IL18R1: variants seen among roughly 807,000 people sequenced by gnomAD.
The protein encoded by IL18R1 is interleukin 18 receptor 1, also known as interleukin-18 receptor 1.
A neutral mutation model predicts 48.5 loss-of-function variants in IL18R1; 40 were observed. That is an observed-to-expected ratio of 0.82 (90% CI 0.64 to 1.07). The LOEUF (loss-of-function observed/expected upper bound fraction) is 1.07. Ranked by LOEUF, IL18R1 falls within the 50% of genes least tolerant of loss-of-function variation. IL18R1 has a pLI of 0.00. For synonymous variants in IL18R1, 232 were observed against 225.9 expected, an observed-to-expected ratio of 1.03 and a Z score of -0.24; for missense variants, 596 against 633.7, an observed-to-expected ratio of 0.94 and a Z score of 0.64.
intron 2 of IL18R1, among the ~76,000 whole-genome samples, chr2:102,363,588 C>T (rs555969695): frequency 6.6e-6 from 1 of 152,246 alleles, no homozygotes; most frequent in South Asian, 2.1e-4. Context: ...GAAAATGTGT[C>T]ATGAGTTCCA....
At chr2:102,386,130 G>C (rs768005756) in intron 7 of IL18R1, among the ~76,000 whole-genome samples, 1 of 152,160 alleles carries the variant, frequency 6.6e-6, no homozygotes, top group African/African-American at 2.4e-5. Flanking sequence ...TCTGTGTCCC[G>C]GGTCCTAGAT....
intron 5 of IL18R1, 34 bp downstream of exon 5, chr2:102,376,097 C>A (rs775702318): frequency 8.0e-6 from 12 of 1,500,580 alleles, no homozygotes; most frequent in Non-Finnish European, 1.1e-5. Context: ...AAGAAACAGA[C>A]GTATTTTAGT....
At chr2:102,380,020 G>A (rs1679825926) in intron 5 of IL18R1, among the ~76,000 whole-genome samples, 1 of 152,178 alleles carries the variant, frequency 6.6e-6, no homozygotes, top group Non-Finnish European at 1.5e-5. Flanking sequence ...TTCAGCTTGT[G>A]CTCGTGAATC....
At chr2:102,376,925 C>G (rs1016056169) in intron 5 of IL18R1, among the ~76,000 whole-genome samples, 2 of 152,158 alleles carry the variant, frequency 1.3e-5, no homozygotes, top group Non-Finnish European at 2.9e-5. Flanking sequence ...CCAAATATCC[C>G]TTCTCGTAGC....
intron 4 of IL18R1, among the ~76,000 whole-genome samples, chr2:102,373,775 C>T (rs993220061): frequency 1.3e-5 from 2 of 152,114 alleles, no homozygotes; most frequent in African/African-American, 4.8e-5. Context: ...CATGCCACTC[C>T]CCCTCACTAA....
rs180927177 is a variant in IL18R1, at chr2:102,381,081, T to C, written c.626-539T>C. On this transcript the variant is annotated intron_variant, in intron 5 of 10. Transcript: ENST00000233957. ...GTCAGAAGCCACTCAGGAGCAGAAG[T>C]AGAACTTGGCCTACAGGCATGAACT... Among the ~76,000 whole-genome samples the C allele has an allele frequency of 2.4e-3, 362 of 152,142 alleles. 2 individuals carry two copies. The highest frequency in any genetic ancestry group is 4.1e-3 in the Non-Finnish European group (280 of 68,000).
In IL18R1 at chr2:102,390,123, G is replaced by T. The variant is rs766413944; in HGVS notation, c.1017G>T (p.Val339=). The T allele has an allele frequency of 6.2e-7, 1 of 1,614,040 alleles. No homozygotes were observed. The highest frequency in any genetic ancestry group is 8.5e-7 in the Non-Finnish European group (1 of 1,179,934). The stretch of plus-strand genomic sequence containing the variant: ...TGATCATAGCTGTTTTGATCTTGGT[G>T]GCAGTAGTGTGCCTAGTGACTGTGT... ...RGMIIAVLIL[V]AVVCLVTVCV... is the part of the protein sequence containing the mutation. The change falls in exon 9 of 11, where the codon GTG becomes GTT. Residue 339 remains valine (V), a synonymous_variant. Transcript: ENST00000233957.
Position 102,397,265 on chromosome 2 carries a change from T to G in IL18R1, c.*379T>G, listed in dbSNP as rs565615172. On this transcript the variant is annotated 3_prime_UTR_variant, in exon 11 of 11. Coordinates refer to ENST00000233957, the MANE Select transcript of IL18R1 (RefSeq NM_003855.5). ...TTTTAATGCCAGTGCTTAATTCGAA[T>G]GAGGGGATTTTAAGTGTCTGAAGAG... The G allele has an allele frequency of 3.9e-4, 67 of 170,246 alleles. 1 individual carries two copies. In the South Asian group the frequency reaches 0.011, roughly 27 times the overall value. 10.5% of individuals were successfully genotyped at this position (170,246 alleles called of 1,614,324 possible).
chr2:102,381,710 A>G, intron 6 of IL18R1, 28 bp downstream of exon 6: 1 of 1,485,802 alleles, frequency 6.7e-7, no homozygotes, highest in Non-Finnish European at 9.4e-7. Flanking sequence ...TATATTCTGC[A>G]TTTATAAGTA....
chr2:102,375,137 G>C (rs1234067896), intron 4 of IL18R1, among the ~76,000 whole-genome samples: 2 of 152,198 alleles, frequency 1.3e-5, no homozygotes, highest in African/African-American at 4.8e-5. Context: ...GTGGGCAGTA[G>C]GTTCTCCTTG....
intron 3 of IL18R1, among the ~76,000 whole-genome samples, chr2:102,369,930 G>C (rs936640797): frequency 2.0e-5 from 3 of 152,230 alleles, no homozygotes; most frequent in African/African-American, 7.2e-5. Flanking sequence ...CAATGATAGA[G>C]ATGAAGAAAT....
intron 8 of IL18R1, 122 bp downstream of exon 8, chr2:102,387,122 C>A: frequency 1.0e-6 from 1 of 1,002,900 alleles, no homozygotes; most frequent in South Asian, 1.6e-5. Context: ...GGAAATCAGT[C>A]ACCTCATGTC....
At chr2:102,360,147 T>C (rs1678487816) in intron 1 of IL18R1, among the ~76,000 whole-genome samples, 1 of 152,244 alleles carries the variant, frequency 6.6e-6, no homozygotes, top group South Asian at 2.1e-4. Flanking sequence ...AATGATAATA[T>C]ATCCACATGA....
rs999866066 is a variant in IL18R1 at position 102,368,203 on chromosome 2, T to C, written c.302+135T>C. 4 of 996,618 alleles carry C rather than the reference T, an allele frequency of 4.0e-6. No individual in the cohort carries two copies. In the African/African-American group the frequency reaches 6.5e-5, roughly 16 times the overall value. 61.7% of individuals were successfully genotyped at this position (996,618 alleles called of 1,614,324 possible). On this transcript the variant is annotated intron_variant, in intron 3 of 10. Coordinates refer to ENST00000233957, the MANE Select transcript of IL18R1 (RefSeq NM_003855.5). ...TTCCTACTCTTCCTATGACATGAAA[T>C]ACATTCTTTGTTATGGAACAGAATA...
chr2:102,371,842 C>T (rs1679281811), intron 3 of IL18R1, 111 bp from the exon 4 acceptor site: 1 of 655,342 alleles, frequency 1.5e-6, no homozygotes, highest in Non-Finnish European at 2.6e-6. Context: ...GAATCAATCT[C>T]TTTAATAAAA....
intron 9 of IL18R1, among the ~76,000 whole-genome samples, chr2:102,390,683 C>G (rs1680509153): frequency 6.6e-6 from 1 of 152,044 alleles, no homozygotes; most frequent in Admixed American, 6.5e-5. Context: ...CCTGTAATCC[C>G]AGCACTTTGA....
intron 3 of IL18R1, among the ~76,000 whole-genome samples, chr2:102,371,099 C>T (rs1338428526): frequency 6.6e-6 from 1 of 151,480 alleles, no homozygotes. Context: ...TCTTGTTACC[C>T]AGGCTGGAGT....
chr2:102,394,702 A>T (rs1680732162), intron 10 of IL18R1, 75 bp downstream of exon 10: 2 of 1,303,680 alleles, frequency 1.5e-6, no homozygotes, highest in East Asian at 4.9e-5. Context: ...GCCCCCAGAG[A>T]GCTATCCCAT....
Position 102,384,942 on chromosome 2 carries a change from C to A in IL18R1, c.753C>A (p.Phe251Leu), listed in dbSNP as rs1035130. ...LNEEDVIYWM[F>L]GEENGSDPNI... The stretch of plus-strand genomic sequence containing the variant: ...AAGAGGATGTAATTTATTGGATGTT[C>A]GGGGAAGAAAATGGATCGGATCCTA... Residue 251 changes from phenylalanine to leucine, a missense_variant, in exon 7 of 11, where the codon TTC becomes TTA. By Grantham distance (22) the Phe-to-Leu change is conservative (BLOSUM62 0). This residue lies in a region of IL18R1 where 360 missense variants were observed against 339.4 expected (regional missense o/e 1.06). Transcript: ENST00000233957. 6.2e-7 allele frequency: 1 copy of A among 1,606,716 alleles called. No individual in the cohort carries two copies. The highest frequency in any genetic ancestry group is 8.5e-7 in the Non-Finnish European group (1 of 1,174,346).
Sources: allele counts gnomAD v4.1 joint callset (sites outside exome capture counted in the v4.1 genomes callset), GRCh38; gene constraint gnomAD v4.1.1; regional missense constraint gnomAD v4.1.1; transcripts MANE v1.5; gene names NCBI Gene and HGNC (gene_info 2026-07-23, HGNC 2026-07-21).